CCDC122: variants seen among roughly 807,000 people sequenced by gnomAD.
CCDC122 encodes coiled-coil domain containing 122, also known as coiled-coil domain-containing protein 122.
In CCDC122, 38 loss-of-function variants were observed where a neutral mutation model predicts 37.0. The observed-to-expected ratio is 1.03, with a 90% confidence interval of 0.79 to 1.35. The LOEUF (loss-of-function observed/expected upper bound fraction) is 1.35. CCDC122 is among the 40% of genes most tolerant of loss of function. The pLI, the probability that CCDC122 is intolerant of heterozygous loss-of-function variation, is 0.00. For missense variants in CCDC122, 305 were observed against 310.0 expected (o/e 0.98, Z 0.12); for synonymous variants, 83 against 95.6 (o/e 0.87, Z 0.77).
intron 6 of CCDC122, among the ~76,000 whole-genome samples, chr13:43,839,834 T>C (rs146624541): frequency 1.3e-5 from 2 of 151,934 alleles, no homozygotes; most frequent in African/African-American, 4.8e-5. Flanking sequence ...ATTTAAAGAG[T>C]TTAATTGAGC....
At chr13:43,845,188 C>T (rs1271040110) in intron 6 of CCDC122, among the ~76,000 whole-genome samples, 1 of 152,122 alleles carries the variant, frequency 6.6e-6, no homozygotes, top group Non-Finnish European at 1.5e-5. Context: ...TAACTTATCA[C>T]AATCTGTCTT....
chr13:43,850,500 G>A (rs1953689831), intron 6 of CCDC122, among the ~76,000 whole-genome samples: 1 of 152,134 alleles, frequency 6.6e-6, no homozygotes, highest in South Asian at 2.1e-4. Flanking sequence ...GACTCAAATG[G>A]CAATTTAAGA....
downstream of CCDC122, among the ~76,000 whole-genome samples, chr13:43,823,166 C>G (rs1413258268): frequency 6.6e-6 from 1 of 152,024 alleles, no homozygotes; most frequent in Non-Finnish European, 1.5e-5. Context: ...ATGAATCCTA[C>G]CAGGACTGGG....
At chr13:43,830,471 T>C (rs530653581) in intron 3 of CCDC122, among the ~76,000 whole-genome samples, 4 of 152,080 alleles carry the variant, frequency 2.6e-5, no homozygotes, top group Non-Finnish European at 5.9e-5. Flanking sequence ...GAAGCAAGAC[T>C]GGTAAGGAGA....
intron 4 of CCDC122, among the ~76,000 whole-genome samples, chr13:43,868,199 T>G (rs187584471): frequency 6.6e-6 from 1 of 152,282 alleles, no homozygotes; most frequent in East Asian, 1.9e-4. Context: ...TCTTTAGTCA[T>G]ATTCACATAG....
intron 6 of CCDC122, chr13:43,848,829 A>C (rs1381827283): frequency 3.2e-6 from 3 of 925,402 alleles, no homozygotes; most frequent in Non-Finnish European, 3.9e-6. Context: ...GCTGTAGTCC[A>C]GGCAAAAGAT....
chr13:43,859,944 T>A lies in CCDC122; in HGVS notation c.283A>T (p.Thr95Ser), dbSNP rs984755289. The change falls in exon 5 of 7, where the codon ACT becomes TCT. Residue 95 changes from threonine (T) to serine (S), a missense_variant. Thr to Ser is a moderately conservative substitution (Grantham distance 58). Transcript: ENST00000444614. Reference protein sequence around the residue: ...NTKLHCDSLETQIKSLHSENV... With the variant: ...NTKLHCDSLESQIKSLHSENV... ...TCTGAATGTAAGGATTTGATTTGAG[T>A]TTCCAGGCTATCACAATGAAGTTTG... 6.2e-7 allele frequency: 1 copy of A among 1,611,426 alleles called. No homozygotes were observed. The highest frequency in any genetic ancestry group is 8.5e-7 in the Non-Finnish European group (1 of 1,178,854).
rs1953210231 is a variant in CCDC122 at position 43,837,576 on chromosome 13, G to A, written c.673-147C>T. ...ATTATGATAAAAATAAACAGTAATT[G>A]TAAAACTGTTTATTCAACACTTATT... On this transcript the variant is annotated intron_variant, in intron 6 of 6. Transcript: ENST00000444614. The A allele has an allele frequency of 4.4e-6, 3 of 675,472 alleles. No homozygotes were observed. The Admixed American group carries it at 1.1e-4, about 24-fold the overall frequency. The allele number at this position is 675,472 out of a possible 1,614,324, so 41.8% of individuals were successfully genotyped here.
downstream of CCDC122, among the ~76,000 whole-genome samples, chr13:43,836,154 A>G (rs951426870): frequency 6.6e-5 from 10 of 152,188 alleles, no homozygotes; most frequent in Non-Finnish European, 1.3e-4. Context: ...ATATCTTCCT[A>G]TTTGTTTTTG....
chr13:43,879,740 T>TGAGACGGGGCGAGGTGGGC (rs1954834849), upstream of CCDC122: 1 of 129,378 alleles, frequency 7.7e-6, no homozygotes, highest in Non-Finnish European at 1.7e-5. Flanking sequence ...GCGAGGTAGG[T>TGAGACGGGGCGAGGTGGGC]GAGGTGAGGC....
intron 6 of CCDC122, chr13:43,856,010 T>C (rs1178162430): frequency 1.3e-5 from 2 of 152,126 alleles, no homozygotes; most frequent in Non-Finnish European, 2.9e-5. Flanking sequence ...ATATACACCA[T>C]GAAATACTAT....
intron 4 of CCDC122, among the ~76,000 whole-genome samples, chr13:43,861,617 C>T (rs1405244530): frequency 6.6e-6 from 1 of 152,098 alleles, no homozygotes; most frequent in Non-Finnish European, 1.5e-5. Context: ...TGTTAGAGGG[C>T]ATTGTTTTAA....
At chr13:43,829,497 G>T (rs1262293789) in intron 3 of CCDC122, among the ~76,000 whole-genome samples, 16 of 152,074 alleles carry the variant, frequency 1.1e-4, no homozygotes, top group African/African-American at 3.1e-4. Flanking sequence ...GTAGAGATGG[G>T]GTTTTGACAT....
intron 6 of CCDC122, among the ~76,000 whole-genome samples, chr13:43,837,846 G>A (rs998819115): frequency 2.0e-5 from 3 of 151,984 alleles, no homozygotes; most frequent in African/African-American, 7.3e-5. Context: ...TTGCCCTGGG[G>A]GACTCTACTT....
chr13:43,859,579 TTTA>T, intron 5 of CCDC122, 90 bp downstream of exon 5: 1 of 1,041,862 alleles, frequency 9.6e-7, no homozygotes, highest in East Asian at 2.8e-5. Context: ...CTATGGGCAT[TTTA>T]TTAACTTCAC....
At chr13:43,830,269 G>A (rs775499937) in intron 3 of CCDC122, among the ~76,000 whole-genome samples, 1 of 152,194 alleles carries the variant, frequency 6.6e-6, no homozygotes, top group Non-Finnish European at 1.5e-5. Context: ...GCTGCTGGAA[G>A]TGGAACCGAT....
At chr13:43,867,945 G>A (rs1954327906) in intron 4 of CCDC122, among the ~76,000 whole-genome samples, 1 of 152,016 alleles carries the variant, frequency 6.6e-6, no homozygotes, top group Non-Finnish European at 1.5e-5. Flanking sequence ...CCAGTACCAT[G>A]TCCACCTGGT....
At chr13:43,850,663 G>C (rs547782016) in intron 6 of CCDC122, among the ~76,000 whole-genome samples, 1 of 152,192 alleles carries the variant, frequency 6.6e-6, no homozygotes, top group Admixed American at 6.5e-5. Context: ...GAAATAAATA[G>C]AACTTCAGGG....
At chr13:43,834,669 C>G (rs936795510), downstream of CCDC122, among the ~76,000 whole-genome samples, 9 of 152,164 alleles carry the variant, frequency 5.9e-5, no homozygotes, top group African/African-American at 2.2e-4. Context: ...AGACACTTCT[C>G]AAAAGAAGAC....
Sources: allele counts gnomAD v4.1 joint callset (sites outside exome capture counted in the v4.1 genomes callset), GRCh38; gene constraint gnomAD v4.1.1; transcripts MANE v1.5; gene names NCBI Gene and HGNC (gene_info 2026-07-23, HGNC 2026-07-21).